The following CAMTA1 variants were observed in gnomAD, a reference collection of about 807,000 sequenced individuals.
CAMTA1 encodes calmodulin-binding transcription activator 1.
CAMTA1 carries 27 observed loss-of-function variants against 170.9 expected under a neutral mutation model. The ratio of observed to expected loss-of-function variants is 0.16; its 90% CI spans 0.12 to 0.22. The LOEUF (loss-of-function observed/expected upper bound fraction) is 0.22, where lower values mean the gene tolerates loss of function less well. Among genes scored for constraint, CAMTA1 ranks in the 10% least tolerant of loss-of-function variants. The pLI is 1.00. For missense variants in CAMTA1, 1,619 were observed against 2,217.2 expected (o/e 0.73, Z 5.42); for synonymous variants, 833 against 891.5 (o/e 0.93, Z 1.17).
In CAMTA1 at chr1:7,493,647, G is replaced by A. The variant is rs199719797; in HGVS notation, c.510+25746G>A. ...AGCATCCATCCCCCAGGGAACTGGG[G>A]GGGGGGGGGGGTCAGCGGAAGAGTT... On this transcript the variant is annotated intron_variant, in intron 6 of 22. Transcript: ENST00000303635. 1.2e-3 allele frequency among the ~76,000 whole-genome samples: 21 copies of A among 18,120 alleles called. No homozygotes were observed. The African/African-American group carries it at 0.017, about 14-fold the overall frequency. 11.9% of individuals were successfully genotyped at this position (18,120 alleles called of 152,430 possible). A position where few individuals can be genotyped will look rare whatever the true frequency, so the allele number is the denominator to read the frequency against.
intron 6 of CAMTA1, among the ~76,000 whole-genome samples, chr1:7,556,087 C>G (rs567575914): frequency 2.0e-4 from 30 of 152,260 alleles, no homozygotes; most frequent in Non-Finnish European, 3.5e-4. Flanking sequence ...GGCAGAGCCT[C>G]TATTGTGGTT....
chr1:7,242,193 T>C (rs1664983599), intron 4 of CAMTA1, among the ~76,000 whole-genome samples: 1 of 152,208 alleles, frequency 6.6e-6, no homozygotes, highest in African/African-American at 2.4e-5. Flanking sequence ...CATGAAAAGG[T>C]ACTCAACATC....
Position 7,233,481 on chromosome 1 carries a change from C to T in CAMTA1, c.303-16010C>T, listed in dbSNP as rs79310632. Among the ~76,000 whole-genome samples the T allele has an allele frequency of 1.6e-3, 242 of 152,328 alleles. 1 individual carries two copies. The highest frequency in any genetic ancestry group is 0.01 in the Middle Eastern group (3 of 294). ...CATTAATTCTCTCTCATCTTAAACCCCCTTTTCTTTGGCTTGTCACTGACC... is the reference window on the plus strand; with the variant it reads ...CATTAATTCTCTCTCATCTTAAACCTCCTTTTCTTTGGCTTGTCACTGACC... On this transcript the variant is annotated intron_variant, in intron 4 of 22. Coordinates refer to ENST00000303635, the MANE Select transcript of CAMTA1 (RefSeq NM_015215.4).
intron 4 of CAMTA1, among the ~76,000 whole-genome samples, chr1:7,142,796 T>C (rs55820436): frequency 0.066 from 9,434 of 141,974 alleles, 710 homozygotes; most frequent in African/African-American, 0.2. Context: ...CCTGCAGAAC[T>C]GTGAGCCAAA....
At chr1:7,273,113 C>T (rs1031742286) in intron 5 of CAMTA1, among the ~76,000 whole-genome samples, 7 of 152,178 alleles carry the variant, frequency 4.6e-5, no homozygotes, top group African/African-American at 1.7e-4. Context: ...AGTGTTCACA[C>T]ACGTGGAGAA....
chr1:7,365,909 C>T lies in CAMTA1; in HGVS notation c.439-101921C>T, dbSNP rs183732049. Among the ~76,000 whole-genome samples, 1,142 of 152,290 alleles carry T rather than the reference C, an allele frequency of 7.5e-3. 10 individuals are homozygous for T. The highest frequency in any genetic ancestry group is 0.012 in the Non-Finnish European group (818 of 68,018). The stretch of plus-strand genomic sequence containing the variant: ...GCTCCTCTCTGGAGGCTGCTCCCTC[C>T]GCGCACAGGGTCATCAGCTTCCTGC... On this transcript the variant is annotated intron_variant, in intron 5 of 22. Transcript: ENST00000303635.
chr1:7,273,426 G>T (rs958520564), intron 5 of CAMTA1, among the ~76,000 whole-genome samples: 2 of 152,194 alleles, frequency 1.3e-5, no homozygotes, highest in Non-Finnish European at 2.9e-5. Context: ...ATGCCACAAC[G>T]TGGATGAACT....
At chr1:7,133,589 T>C (rs959813404) in intron 4 of CAMTA1, among the ~76,000 whole-genome samples, 11 of 152,186 alleles carry the variant, frequency 7.2e-5, no homozygotes, top group East Asian at 1.9e-4. Flanking sequence ...TGAAAAGTCT[T>C]GTTTCATATA....
At chr1:6,811,795 C>A (rs1183797896) in intron 1 of CAMTA1, among the ~76,000 whole-genome samples, 2 of 152,156 alleles carry the variant, frequency 1.3e-5, no homozygotes, top group Non-Finnish European at 2.9e-5. Flanking sequence ...AAGGGAGGTT[C>A]CCAGATAGCC....
chr1:7,448,862 A>G (rs2092743437), intron 5 of CAMTA1, among the ~76,000 whole-genome samples: 2 of 152,182 alleles, frequency 1.3e-5, no homozygotes, highest in South Asian at 4.1e-4. Context: ...GGACACAAAA[A>G]CATTCAGACA....
intron 5 of CAMTA1, among the ~76,000 whole-genome samples, chr1:7,335,140 G>GTGTGTGTGT (rs781434178): frequency 5.2e-4 from 32 of 61,544 alleles, no homozygotes; most frequent in Admixed American, 9.6e-4. Context: ...GTGTGTGTGT[G>GTGTGTGTGT]GGGGGGGGGG....
At chr1:7,162,241 AT>A (rs1335762635) in intron 4 of CAMTA1, among the ~76,000 whole-genome samples, 1 of 152,140 alleles carries the variant, frequency 6.6e-6, no homozygotes, top group Non-Finnish European at 1.5e-5. Flanking sequence ...GGGAGCTAGG[AT>A]TTTATTTTTG....
At chr1:7,558,626 G>A (rs1181690434) in intron 6 of CAMTA1, among the ~76,000 whole-genome samples, 6 of 152,242 alleles carry the variant, frequency 3.9e-5, no homozygotes, top group Non-Finnish European at 7.3e-5. Flanking sequence ...GAATACCTCA[G>A]CCATGTACAT....
chr1:7,543,548 T>A (rs1371104557), intron 6 of CAMTA1, among the ~76,000 whole-genome samples: 1 of 152,234 alleles, frequency 6.6e-6, no homozygotes, highest in Admixed American at 6.5e-5. Flanking sequence ...TTACAAAATA[T>A]AGCAGTTCCC....
intron 5 of CAMTA1, among the ~76,000 whole-genome samples, chr1:7,369,510 A>C (rs903782716): frequency 6.6e-6 from 1 of 152,168 alleles, no homozygotes; most frequent in Non-Finnish European, 1.5e-5. Context: ...GAAAGGACAC[A>C]GATTAAAATC....
intron 3 of CAMTA1, among the ~76,000 whole-genome samples, chr1:7,028,249 A>G (rs1702274752): frequency 2.0e-5 from 3 of 152,188 alleles, no homozygotes; most frequent in Non-Finnish European, 4.4e-5. Context: ...GCCCAAGTTT[A>G]TGGCAGAAAC....
At chr1:7,107,772 A>G (rs762185996) in intron 4 of CAMTA1, among the ~76,000 whole-genome samples, 40 of 152,200 alleles carry the variant, frequency 2.6e-4, no homozygotes, top group Non-Finnish European at 5.1e-4. Context: ...GAGTGTCTAG[A>G]TGGGCACTGC....
intron 8 of CAMTA1, 85 bp downstream of exon 8, chr1:7,661,951 G>C: frequency 1.4e-6 from 2 of 1,452,294 alleles, no homozygotes; most frequent in South Asian, 1.3e-5. Flanking sequence ...CTCTGTGGGA[G>C]TAGCCATGAC....
chr1:7,557,393 T>C (rs1487653987), intron 6 of CAMTA1, among the ~76,000 whole-genome samples: 2 of 151,734 alleles, frequency 1.3e-5, no homozygotes, highest in East Asian at 1.9e-4. Flanking sequence ...ACAGACCAGC[T>C]CTCTCCCCAC....
Sources: allele counts gnomAD v4.1 joint callset (sites outside exome capture counted in the v4.1 genomes callset), GRCh38; gene constraint gnomAD v4.1.1; transcripts MANE v1.5; gene names NCBI Gene and HGNC (gene_info 2026-07-23, HGNC 2026-07-21).